The following RUNX1T1 variants were observed in gnomAD, a reference collection of about 807,000 sequenced individuals.
RUNX1T1 encodes the protein RUNX1 partner transcriptional co-repressor 1.
In RUNX1T1, 4 loss-of-function variants were observed where a neutral mutation model predicts 62.8. The ratio of observed to expected loss-of-function variants is 0.06; its 90% CI spans 0.03 to 0.15. The LOEUF is 0.15. Among genes scored for constraint, RUNX1T1 ranks in the 10% least tolerant of loss-of-function variants. RUNX1T1 has a pLI of 1.00. For missense variants in RUNX1T1, 508 were observed against 754.3 expected (o/e 0.67, Z 3.82); for synonymous variants, 291 against 286.0 (o/e 1.02, Z -0.18).
chr8:92,039,003 C>T (rs1299991021), intron 1 of RUNX1T1, among the ~76,000 whole-genome samples: 9 of 152,150 alleles, frequency 5.9e-5, no homozygotes, highest in Non-Finnish European at 1.3e-4. Context: ...CCTCCATTCT[C>T]CCACTGCCTG....
chr8:91,962,598 CGT>C (rs1381949630), intron 10 of RUNX1T1, among the ~76,000 whole-genome samples: 1 of 152,242 alleles, frequency 6.6e-6, no homozygotes, highest in African/African-American at 2.4e-5. Flanking sequence ...TCCACAAAGA[CGT>C]GAGCAAACGT....
chr8:92,052,204 TAAAAGA>T (rs1330211430), intron 1 of RUNX1T1, among the ~76,000 whole-genome samples: 10 of 152,122 alleles, frequency 6.6e-5, no homozygotes, highest in Non-Finnish European at 1.0e-4. Context: ...CAGAGAAAAA[TAAAAGA>T]AAATCTTTGT....
At chr8:92,031,077 G>A (rs1826128817) in intron 1 of RUNX1T1, among the ~76,000 whole-genome samples, 1 of 152,154 alleles carries the variant, frequency 6.6e-6, no homozygotes, top group South Asian at 2.1e-4. Context: ...TTTCCACTGA[G>A]CTAACCAAGC....
intron 1 of RUNX1T1, among the ~76,000 whole-genome samples, chr8:92,027,814 A>C (rs1458670756): frequency 1.3e-5 from 2 of 151,714 alleles, no homozygotes; most frequent in African/African-American, 4.9e-5. Flanking sequence ...ATCGATTACT[A>C]TTTTTGGAAA....
intron 1 of RUNX1T1, among the ~76,000 whole-genome samples, chr8:92,027,805 T>C (rs1193910918): frequency 6.6e-6 from 1 of 151,834 alleles, no homozygotes; most frequent in Admixed American, 6.6e-5. Context: ...TCTATGGCAA[T>C]CGATTACTAT....
exon 1 of RUNX1T1, chr8:92,099,682 C>A: frequency 1.0e-6 from 1 of 983,722 alleles, no homozygotes; most frequent in Non-Finnish European, 1.2e-6. Context: ...GCTATGTTGC[C>A]TGCATAAAAC....
At chr8:92,065,989 G>T (rs1832818959), upstream of RUNX1T1, among the ~76,000 whole-genome samples, 1 of 152,120 alleles carries the variant, frequency 6.6e-6, no homozygotes, top group Admixed American at 6.5e-5. Context: ...CAATACAAGA[G>T]AATTAATAGT....
chr8:92,006,251 T>C (rs6987284), intron 4 of RUNX1T1: 37,068 of 152,142 alleles, frequency 0.24, 4,877 homozygotes, highest in African/African-American at 0.34. Flanking sequence ...TTGTCATTGC[T>C]TTCTCTTTCT....
chr8:92,032,360 A>T (rs894966141), intron 1 of RUNX1T1, among the ~76,000 whole-genome samples: 1 of 152,142 alleles, frequency 6.6e-6, no homozygotes, highest in Non-Finnish European at 1.5e-5. Context: ...GTCTCATGCC[A>T]TATATTCAAA....
chr8:92,023,880 G>C (rs1824602855), intron 1 of RUNX1T1, among the ~76,000 whole-genome samples: 1 of 152,122 alleles, frequency 6.6e-6, no homozygotes, highest in Non-Finnish European at 1.5e-5. Context: ...TCCAAGATAG[G>C]CAGTATCAGT....
chr8:91,984,112 G>A (rs1009498739), intron 8 of RUNX1T1, among the ~76,000 whole-genome samples: 4 of 152,056 alleles, frequency 2.6e-5, no homozygotes, highest in Non-Finnish European at 5.9e-5. Flanking sequence ...AAATATCTCA[G>A]GTTTAACAAA....
intron 1 of RUNX1T1, among the ~76,000 whole-genome samples, chr8:92,040,149 C>G (rs1828176172): frequency 6.6e-6 from 1 of 152,122 alleles, no homozygotes; most frequent in Non-Finnish European, 1.5e-5. Context: ...TGAAATGTAC[C>G]TTGACTACAA....
At chr8:92,098,230 C>T (rs777992842) in intron 1 of RUNX1T1, among the ~76,000 whole-genome samples, 1 of 152,158 alleles carries the variant, frequency 6.6e-6, no homozygotes, top group Admixed American at 6.5e-5. Flanking sequence ...ATTTGTAATT[C>T]TTATGTTAAT....
chr8:92,086,866 T>C (rs1234210562), intron 1 of RUNX1T1, among the ~76,000 whole-genome samples: 2 of 152,210 alleles, frequency 1.3e-5, no homozygotes, highest in African/African-American at 4.8e-5. Flanking sequence ...CTGGTCATCC[T>C]TCTGCAATAT....
chr8:91,996,962 GAA>G (rs34308214), intron 5 of RUNX1T1, among the ~76,000 whole-genome samples: 1 of 133,212 alleles, frequency 7.5e-6, no homozygotes, highest in Non-Finnish European at 1.6e-5. Context: ...TCTCTACTAA[GAA>G]AAAAAAAAAA....
At chr8:91,992,340 G>C (rs1817846832) in intron 5 of RUNX1T1, among the ~76,000 whole-genome samples, 1 of 152,156 alleles carries the variant, frequency 6.6e-6, no homozygotes, top group Non-Finnish European at 1.5e-5. Context: ...TTCTGTGTCA[G>C]AGAATATCTA....
At chr8:92,082,867 G>A (rs1835491037) in intron 1 of RUNX1T1, among the ~76,000 whole-genome samples, 1 of 152,216 alleles carries the variant, frequency 6.6e-6, no homozygotes, top group African/African-American at 2.4e-5. Flanking sequence ...CCAGAAAGCA[G>A]ATATGGGTAT....
In RUNX1T1 at chr8:92,047,849, C is replaced by T. The variant is rs116133043; in HGVS notation, c.7+14697G>A. Reference sequence around the variant, plus strand: ...CCTCTTAGGTTATTTTAGGACACCACACCCACTTAATCTTATCTACCCACT... The same window carrying T: ...CCTCTTAGGTTATTTTAGGACACCATACCCACTTAATCTTATCTACCCACT... On this transcript the variant is annotated intron_variant, in intron 1 of 10. Coordinates refer to ENST00000396218, the Ensembl canonical transcript of RUNX1T1. Among the ~76,000 whole-genome samples the T allele has an allele frequency of 8.0e-3, 1,211 of 152,194 alleles. 10 individuals carry two copies. Among genetic ancestry groups the T allele is most frequent in the African/African-American group, 0.028 (1,168 of 41,524 alleles).
chr8:92,009,578 A>AT (rs1173954560), intron 4 of RUNX1T1: 1 of 143,290 alleles, frequency 7.0e-6, no homozygotes, highest in South Asian at 2.3e-4. Context: ...AAAGGAGCCT[A>AT]TTTTTTCTTT....
Sources: allele counts gnomAD v4.1 joint callset (sites outside exome capture counted in the v4.1 genomes callset), GRCh38; gene constraint gnomAD v4.1.1; transcripts MANE v1.5; gene names NCBI Gene and HGNC (gene_info 2026-07-23, HGNC 2026-07-21).